Variants in COL28A1 observed in about 807,000 individuals in gnomAD.
COL28A1 encodes collagen alpha-1(XXVIII) chain.
Under a neutral mutation model 150.2 loss-of-function variants are expected in COL28A1, and 161 were observed. The observed-to-expected ratio is 1.07, with a 90% CI of 0.94 to 1.22. The LOEUF is 1.22. Among genes scored for constraint, COL28A1 ranks in the 50% most tolerant of loss-of-function variants. COL28A1 has a pLI of 0.00. For missense variants in COL28A1, 1,617 were observed against 1,388.3 expected, an observed-to-expected ratio of 1.16 and a Z score of -2.62; for synonymous variants, 552 against 469.7, an observed-to-expected ratio of 1.18 and a Z score of -2.26.
intron 21 of COL28A1, among the ~76,000 whole-genome samples, chr7:7,439,732 G>C (rs2128319211): frequency 6.6e-6 from 1 of 152,204 alleles, no homozygotes; most frequent in South Asian, 2.1e-4. Context: ...TTCTCATAAT[G>C]TGCTTCCTGA....
chr7:7,349,453 G>C, the COL28A1 span, among the ~76,000 whole-genome samples: 5 of 152,050 alleles, frequency 3.3e-5, no homozygotes, highest in African/African-American at 1.2e-4. Flanking sequence ...TCAGTACTTA[G>C]CTGAATGCTC....
chr7:7,378,935 C>T (rs528577546), intron 30 of COL28A1, among the ~76,000 whole-genome samples: 3 of 152,356 alleles, frequency 2.0e-5, no homozygotes, highest in Admixed American at 1.3e-4. Context: ...AACCAGTCCT[C>T]ATTTCCAAGC....
At chr7:7,441,220 C>T (rs1011249882) in intron 20 of COL28A1, among the ~76,000 whole-genome samples, 4 of 152,148 alleles carry the variant, frequency 2.6e-5, no homozygotes, top group African/African-American at 4.8e-5. Flanking sequence ...CTTTTTCATG[C>T]TGTTTTTCAA....
intron 8 of COL28A1, among the ~76,000 whole-genome samples, chr7:7,514,304 C>T (rs996645256): frequency 6.6e-6 from 1 of 152,150 alleles, no homozygotes; most frequent in Non-Finnish European, 1.5e-5. Flanking sequence ...CATTTGTAGA[C>T]AAGCCAACAT....
intron 27 of COL28A1, among the ~76,000 whole-genome samples, chr7:7,410,101 T>C (rs1389274878): frequency 2.0e-5 from 3 of 152,096 alleles, no homozygotes; most frequent in Admixed American, 6.6e-5. Flanking sequence ...AGGAGGAAAA[T>C]GAAAGCGTGA....
At chr7:7,507,500 G>A (rs1428565912) in intron 9 of COL28A1, among the ~76,000 whole-genome samples, 1 of 152,164 alleles carries the variant, frequency 6.6e-6, no homozygotes, top group Non-Finnish European at 1.5e-5. Flanking sequence ...TTCCGACAGG[G>A]TAATGTCAGT....
chr7:7,539,559 A>C (rs1294535440), upstream of COL28A1, among the ~76,000 whole-genome samples: 1 of 152,240 alleles, frequency 6.6e-6, no homozygotes, highest in Non-Finnish European at 1.5e-5. Context: ...CATGGCAAAC[A>C]CCAAAACTGT....
chr7:7,351,811 T>C (rs1170468554), downstream of COL28A1, among the ~76,000 whole-genome samples: 1 of 151,890 alleles, frequency 6.6e-6, no homozygotes, highest in Non-Finnish European at 1.5e-5. Context: ...AAACCAAAAA[T>C]AAAATTCCAA....
intron 5 of COL28A1, among the ~76,000 whole-genome samples, chr7:7,520,760 G>A (rs1562899189): frequency 6.6e-6 from 1 of 152,112 alleles, no homozygotes; most frequent in African/African-American, 2.4e-5. Flanking sequence ...AAATTGTCAG[G>A]TGCTTAGCAA....
At chr7:7,458,448 A>C (rs1237547314) in intron 15 of COL28A1, among the ~76,000 whole-genome samples, 1 of 151,020 alleles carries the variant, frequency 6.6e-6, no homozygotes, top group Non-Finnish European at 1.5e-5. Flanking sequence ...ACAAACAAAC[A>C]AAAAAAACAA....
intron 11 of COL28A1, among the ~76,000 whole-genome samples, chr7:7,498,474 G>A (rs183963906): frequency 8.5e-5 from 13 of 152,140 alleles, no homozygotes; most frequent in Non-Finnish European, 1.8e-4. Context: ...AGGGAAACAT[G>A]GGGAGTTATT....
At chr7:7,466,337 C>T (rs186556130) in intron 15 of COL28A1, among the ~76,000 whole-genome samples, 1 of 145,740 alleles carries the variant, frequency 6.9e-6, no homozygotes. Flanking sequence ...ATGTGATCAA[C>T]TGGAAGAAAG....
At chr7:7,377,662 G>A (rs1481036179) in intron 30 of COL28A1, among the ~76,000 whole-genome samples, 3 of 152,124 alleles carry the variant, frequency 2.0e-5, no homozygotes. Flanking sequence ...GAAGACCTTT[G>A]TGTCATGTTG....
At chr7:7,352,254 G>C (rs996285999), downstream of COL28A1, among the ~76,000 whole-genome samples, 11 of 152,062 alleles carry the variant, frequency 7.2e-5, no homozygotes, top group African/African-American at 2.7e-4. Flanking sequence ...TAAGGAACTA[G>C]GGATACAAAG....
intron 21 of COL28A1, among the ~76,000 whole-genome samples, chr7:7,439,751 C>A (rs572181087): frequency 1.9e-4 from 29 of 152,290 alleles, no homozygotes; most frequent in Non-Finnish European, 3.1e-4. Context: ...GAACTCCCTG[C>A]AGCACAGGGC....
rs1267545162 is a variant in COL28A1, at chr7:7,443,288, G to T, written c.1650+297C>A. On this transcript the variant is annotated intron_variant, in intron 20 of 34. Transcript: ENST00000399429. ...TTATGGACTGTCAAATCTCAACGAT[G>T]TATCTCAAGGCTTCTTTTCCTTCCT... Among the ~76,000 whole-genome samples, 4 of 152,296 alleles carry T rather than the reference G, an allele frequency of 2.6e-5. No homozygotes were observed. The East Asian group carries it at 7.7e-4, about 29-fold the overall frequency.
chr7:7,451,706 T>C (rs1217676253), intron 18 of COL28A1, among the ~76,000 whole-genome samples: 2 of 152,178 alleles, frequency 1.3e-5, no homozygotes, highest in African/African-American at 4.8e-5. Context: ...ATTACACATA[T>C]GTATAAACAT....
chr7:7,442,287 T>A (rs954540207), intron 20 of COL28A1, among the ~76,000 whole-genome samples: 1 of 152,230 alleles, frequency 6.6e-6, no homozygotes, highest in Non-Finnish European at 1.5e-5. Context: ...GCCTATTCTG[T>A]AGAGTTGTTG....
At chr7:7,495,802 AATTT>A (rs760342422) in intron 11 of COL28A1, among the ~76,000 whole-genome samples, 2 of 152,132 alleles carry the variant, frequency 1.3e-5, no homozygotes, top group Non-Finnish European at 2.9e-5. Context: ...AGCATGCTCC[AATTT>A]ATTCCCTCCA....
Sources: gnomAD v4.1 joint callset for allele counts (sites outside exome capture counted in the v4.1 genomes callset) on GRCh38, gnomAD v4.1.1 for gene constraint, MANE v1.5 for transcripts, NCBI Gene and HGNC (gene_info 2026-07-23, HGNC 2026-07-21) for gene names.